The following SGMS1 variants were observed in gnomAD, a reference collection of about 807,000 sequenced individuals.
SGMS1 encodes the protein phosphatidylcholine:ceramide cholinephosphotransferase 1.
SGMS1 carries 13 observed loss-of-function variants against 46.2 expected under a neutral mutation model. The observed-to-expected ratio is 0.28, with a 90% CI of 0.18 to 0.45. The LOEUF (loss-of-function observed/expected upper bound fraction) is 0.45, where lower values mean the gene tolerates loss of function less well. Among genes scored for constraint, SGMS1 ranks in the 20% least tolerant of loss-of-function variants. The probability of loss-of-function intolerance (pLI) is 1.00; values close to 1 mark genes in which losing one functional copy is unlikely to be tolerated. For synonymous variants in SGMS1, 203 were observed against 187.8 expected, an observed-to-expected ratio of 1.08 and a Z score of -0.66; for missense variants, 324 against 519.9, an observed-to-expected ratio of 0.62 and a Z score of 3.66.
chr10:50,539,453 G>A (rs1023568734), intron 2 of SGMS1, among the ~76,000 whole-genome samples: 8 of 152,280 alleles, frequency 5.3e-5, no homozygotes, highest in Middle Eastern at 3.4e-3. Context: ...TGAAAAGGTC[G>A]GTGAATGAGC....
intron 6 of SGMS1, among the ~76,000 whole-genome samples, chr10:50,429,863 T>C (rs1849383821): frequency 6.6e-6 from 1 of 152,074 alleles, no homozygotes. Context: ...CTTCCCCAAA[T>C]AAGAAAAATT....
intron 7 of SGMS1, among the ~76,000 whole-genome samples, chr10:50,330,031 G>A (rs1354481971): frequency 6.6e-6 from 1 of 152,144 alleles, no homozygotes; most frequent in Non-Finnish European, 1.5e-5. Context: ...AGAATAGCAT[G>A]TTATGTCAAG....
intron 8 of SGMS1, among the ~76,000 whole-genome samples, chr10:50,326,678 G>A (rs754331322): frequency 6.6e-6 from 1 of 152,164 alleles, no homozygotes; most frequent in African/African-American, 2.4e-5. Context: ...GAGACAATAA[G>A]AGAGGAATAA....
intron 3 of SGMS1, among the ~76,000 whole-genome samples, chr10:50,496,314 A>G (rs543697396): frequency 1.3e-5 from 2 of 152,338 alleles, no homozygotes; most frequent in South Asian, 4.1e-4. Flanking sequence ...ATAAACTTCA[A>G]AAAAAGTACT....
rs993995910 is a variant in SGMS1 at position 50,355,614 on chromosome 10, G to C, written c.-231-11269C>G. 2.0e-5 allele frequency among the ~76,000 whole-genome samples: 3 copies of C among 152,248 alleles called. No individual in the cohort carries two copies. The South Asian group carries it at 6.2e-4, about 32-fold the overall frequency. On this transcript the variant is annotated intron_variant, in intron 6 of 10. Coordinates refer to ENST00000361781, the MANE Select transcript of SGMS1 (RefSeq NM_147156.4). ...GGCTGGAGTGCAGTGGCGTGATCTC[G>C]GCTCGCTACAACCTCCACCTCCCAG...
At chr10:50,597,713 G>C (rs1838607828) in intron 1 of SGMS1, among the ~76,000 whole-genome samples, 1 of 152,070 alleles carries the variant, frequency 6.6e-6, no homozygotes. Context: ...TAATGTCTGT[G>C]TTAAAATTCA....
At chr10:50,416,762 T>TA (rs1225143918) in intron 6 of SGMS1, among the ~76,000 whole-genome samples, 1 of 149,012 alleles carries the variant, frequency 6.7e-6, no homozygotes, top group Non-Finnish European at 1.5e-5. Context: ...TAGGGTAACT[T>TA]AAAGTTTCTA....
intron 3 of SGMS1, among the ~76,000 whole-genome samples, chr10:50,494,762 C>T (rs556027951): frequency 2.6e-4 from 39 of 152,166 alleles, no homozygotes; most frequent in Non-Finnish European, 4.3e-4. Context: ...AAAGGCCGGG[C>T]GCGGTGGCTC....
intron 6 of SGMS1, among the ~76,000 whole-genome samples, chr10:50,383,230 A>T (rs1848633516): frequency 6.6e-6 from 1 of 152,222 alleles, no homozygotes; most frequent in South Asian, 2.1e-4. Flanking sequence ...ATGATATCAC[A>T]TAGAAGAATT....
chr10:50,364,773 A>C (rs1848307151), intron 6 of SGMS1, among the ~76,000 whole-genome samples: 1 of 152,168 alleles, frequency 6.6e-6, no homozygotes, highest in African/African-American at 2.4e-5. Flanking sequence ...TACACCATCA[A>C]AATGTCCTAG....
At chr10:50,559,841 A>G (rs1309134391) in intron 2 of SGMS1, among the ~76,000 whole-genome samples, 1 of 152,144 alleles carries the variant, frequency 6.6e-6, no homozygotes, top group South Asian at 2.1e-4. Context: ...TCTAGGTAAA[A>G]TTATAAGTAA....
intron 2 of SGMS1, among the ~76,000 whole-genome samples, chr10:50,544,871 T>G (rs533924902): frequency 6.6e-6 from 1 of 152,294 alleles, no homozygotes; most frequent in South Asian, 2.1e-4. Context: ...AGAAGAAACG[T>G]GTGCCGCGTA....
chr10:50,592,476 C>T (rs1838551027), intron 1 of SGMS1, among the ~76,000 whole-genome samples: 1 of 151,660 alleles, frequency 6.6e-6, no homozygotes, highest in Admixed American at 6.6e-5. Flanking sequence ...AAGTATGGGG[C>T]TGAAACAGAT....
At chr10:50,453,648 A>C (rs1015592342) in intron 5 of SGMS1, among the ~76,000 whole-genome samples, 1 of 151,292 alleles carries the variant, frequency 6.6e-6, no homozygotes, top group Non-Finnish European at 1.5e-5. Flanking sequence ...AGAAATGATA[A>C]AGAAAATGGG....
chr10:50,531,350 G>A (rs1019601424), intron 2 of SGMS1, among the ~76,000 whole-genome samples: 6 of 151,794 alleles, frequency 4.0e-5, no homozygotes, highest in Non-Finnish European at 7.4e-5. Context: ...CTATCTGTTC[G>A]AGGAAGTGCC....
intron 8 of SGMS1, among the ~76,000 whole-genome samples, chr10:50,313,263 C>CA (rs2133280167): frequency 6.6e-6 from 1 of 152,220 alleles, no homozygotes; most frequent in Admixed American, 6.5e-5. Context: ...CACAGACGGA[C>CA]ACTAAAGCTT....
chr10:50,441,738 A>G (rs58642196), intron 5 of SGMS1, among the ~76,000 whole-genome samples: 12,871 of 152,270 alleles, frequency 0.085, 1,313 homozygotes, highest in East Asian at 0.38. Flanking sequence ...AACCTTTTCT[A>G]TTGGAGCATC....
At chr10:50,339,119 C>T (rs1847768013) in intron 7 of SGMS1, among the ~76,000 whole-genome samples, 1 of 152,196 alleles carries the variant, frequency 6.6e-6, no homozygotes, top group African/African-American at 2.4e-5. Flanking sequence ...TTTTAAACAC[C>T]AGTTTCATTC....
chr10:50,331,450 A>C lies in SGMS1; in HGVS notation c.624-4128T>G, dbSNP rs537110538. ...TCAGCCACATTTCAAAATCTACTTA[A>C]TGACTATATTAGTAAAGTACTGAAA... On this transcript the variant is annotated intron_variant, in intron 7 of 10. Coordinates refer to ENST00000361781, the MANE Select transcript of SGMS1 (RefSeq NM_147156.4). Among the ~76,000 whole-genome samples the C allele has an allele frequency of 1.7e-3, 261 of 152,384 alleles. 1 individual carries two copies. The highest frequency in any genetic ancestry group is 6.0e-3 in the African/African-American group (251 of 41,586).
Sources: allele counts gnomAD v4.1 joint callset (sites outside exome capture counted in the v4.1 genomes callset), GRCh38; gene constraint gnomAD v4.1.1; transcripts MANE v1.5; gene names NCBI Gene and HGNC (gene_info 2026-07-23, HGNC 2026-07-21).